Variants in GALNTL6 observed in about 807,000 individuals in gnomAD.
GALNTL6 encodes polypeptide N-acetylgalactosaminyltransferase like 6, also known as polypeptide N-acetylgalactosaminyltransferase-like 6.
A neutral mutation model predicts 73.7 loss-of-function variants in GALNTL6; 46 were observed. That is an observed-to-expected ratio of 0.62 (90% CI 0.49 to 0.80). The LOEUF is 0.80. Among genes scored for constraint, GALNTL6 ranks in the 30% least tolerant of loss-of-function variants. The pLI is 0.00. For missense variants in GALNTL6, 604 were observed against 755.0 expected, an observed-to-expected ratio of 0.80 and a Z score of 2.34; for synonymous variants, 259 against 263.7, an observed-to-expected ratio of 0.98 and a Z score of 0.17.
intron 2 of GALNTL6, among the ~76,000 whole-genome samples, chr4:172,005,009 A>G (rs1355512249): frequency 6.6e-6 from 1 of 152,162 alleles, no homozygotes; most frequent in East Asian, 1.9e-4. Context: ...TTTTCATAAA[A>G]TACTGTGCCT....
In GALNTL6 at chr4:172,559,539, C is replaced by T. The variant is rs578220254; in HGVS notation, c.553+210850C>T. Among the ~76,000 whole-genome samples, 82 of 152,116 alleles carry T rather than the reference C, an allele frequency of 5.4e-4. 2 individuals are homozygous for T. The South Asian group carries it at 0.016, about 30-fold the overall frequency. On this transcript the variant is annotated intron_variant, in intron 5 of 12. Transcript: ENST00000506823. The stretch of plus-strand genomic sequence containing the variant: ...ACTCTTCTCTGAATACATCATAATC[C>T]GGATTAAAATTTCTACCATCTGTAA...
intron 4 of GALNTL6, among the ~76,000 whole-genome samples, chr4:172,344,877 A>T (rs1168159225): frequency 6.6e-6 from 1 of 152,150 alleles, no homozygotes; most frequent in African/African-American, 2.4e-5. Context: ...TTTGTATCCT[A>T]AATGTCTCTC....
intron 5 of GALNTL6, among the ~76,000 whole-genome samples, chr4:172,698,982 A>G (rs1381564574): frequency 1.3e-5 from 2 of 152,132 alleles, no homozygotes; most frequent in Non-Finnish European, 1.5e-5. Context: ...ACAAAAATTT[A>G]TTTCTCATAG....
intron 2 of GALNTL6, among the ~76,000 whole-genome samples, chr4:171,859,997 G>A (rs1401922127): frequency 6.6e-6 from 1 of 152,150 alleles, no homozygotes; most frequent in Non-Finnish European, 1.5e-5. Flanking sequence ...CCAAGGAGCT[G>A]GCCAAAATTC....
rs77091179 is a variant in GALNTL6 at position 172,711,778 on chromosome 4, C to A, written c.554-97583C>A. On this transcript the variant is annotated intron_variant, in intron 5 of 12. Coordinates refer to ENST00000506823, the MANE Select transcript of GALNTL6 (RefSeq NM_001034845.3). ...GCGCAGTCTGAGCTAGAGACAGGCA[C>A]AAAGTCAACATACATATGGTCTTAA... 8.7e-3 allele frequency among the ~76,000 whole-genome samples: 1,318 copies of A among 152,188 alleles called. 22 individuals carry two copies. The highest frequency in any genetic ancestry group is 0.03 in the African/African-American group (1,257 of 41,532).
intron 3 of GALNTL6, among the ~76,000 whole-genome samples, chr4:172,265,726 T>C (rs923763485): frequency 6.6e-6 from 1 of 152,098 alleles, no homozygotes; most frequent in African/African-American, 2.4e-5. Context: ...CATAATAGCA[T>C]ACAAAAGCAG....
chr4:172,657,567 A>T (rs558035357), intron 5 of GALNTL6, among the ~76,000 whole-genome samples: 12 of 152,334 alleles, frequency 7.9e-5, no homozygotes, highest in African/African-American at 2.4e-4. Flanking sequence ...AGAATTTTTT[A>T]AAAGTTTCTT....
chr4:171,980,682 G>A (rs555617917), intron 2 of GALNTL6, among the ~76,000 whole-genome samples: 41 of 152,208 alleles, frequency 2.7e-4, no homozygotes, highest in Non-Finnish European at 5.3e-4. Flanking sequence ...CTTGTTCGTC[G>A]AAGTACCAAG....
At chr4:172,242,139 C>G (rs139733424) in intron 3 of GALNTL6, among the ~76,000 whole-genome samples, 264 of 152,100 alleles carry the variant, frequency 1.7e-3, no homozygotes, top group Non-Finnish European at 2.9e-3. Flanking sequence ...TAAAAGTAAA[C>G]TCTGCCTATG....
intron 5 of GALNTL6, among the ~76,000 whole-genome samples, chr4:172,740,576 G>T (rs1416202324): frequency 1.3e-5 from 2 of 152,126 alleles, no homozygotes; most frequent in Non-Finnish European, 2.9e-5. Flanking sequence ...TGCTTTCCTA[G>T]CTGTGGTCAG....
chr4:172,051,426 A>C (rs1730859565), intron 2 of GALNTL6, among the ~76,000 whole-genome samples: 1 of 152,048 alleles, frequency 6.6e-6, no homozygotes, highest in Non-Finnish European at 1.5e-5. Flanking sequence ...TTGAAGGATA[A>C]ATGCAGGGAT....
chr4:172,378,697 C>A (rs534286962), intron 5 of GALNTL6, among the ~76,000 whole-genome samples: 1 of 151,940 alleles, frequency 6.6e-6, no homozygotes, highest in South Asian at 2.1e-4. Flanking sequence ...TGAGTAATAT[C>A]ATAAATTATT....
At chr4:171,941,139 G>A (rs190271870) in intron 2 of GALNTL6, among the ~76,000 whole-genome samples, 2 of 152,090 alleles carry the variant, frequency 1.3e-5, no homozygotes, top group African/African-American at 2.4e-5. Flanking sequence ...CTAGAGAGTC[G>A]TATGAATTTG....
chr4:172,284,923 T>C (rs1452845738), intron 3 of GALNTL6, among the ~76,000 whole-genome samples: 2 of 152,192 alleles, frequency 1.3e-5, no homozygotes, highest in Non-Finnish European at 1.5e-5. Context: ...CTTTGGTTAT[T>C]TGGTCTCTTT....
intron 10 of GALNTL6, among the ~76,000 whole-genome samples, chr4:173,000,886 T>G (rs1321410364): frequency 6.6e-6 from 1 of 152,166 alleles, no homozygotes; most frequent in Non-Finnish European, 1.5e-5. Context: ...TCCCCAAAAT[T>G]TATATGTTGA....
At chr4:171,905,793 C>T (rs955446853) in intron 2 of GALNTL6, among the ~76,000 whole-genome samples, 19 of 151,932 alleles carry the variant, frequency 1.3e-4, no homozygotes, top group Non-Finnish European at 1.9e-4. Context: ...AACACACTAT[C>T]TCTCAGACCA....
chr4:172,378,519 A>AAT (rs1214914121), intron 5 of GALNTL6, among the ~76,000 whole-genome samples: 3 of 152,202 alleles, frequency 2.0e-5, no homozygotes, highest in African/African-American at 7.2e-5. Flanking sequence ...TGATTATTGA[A>AAT]ATACCAGTGA....
At chr4:172,653,220 CTT>C (rs1377130842) in intron 5 of GALNTL6, among the ~76,000 whole-genome samples, 2 of 26,316 alleles carry the variant, frequency 7.6e-5, no homozygotes, top group African/African-American at 1.3e-4. Context: ...TATTTCTCTT[CTT>C]CCTTTTTTTT....
intron 5 of GALNTL6, among the ~76,000 whole-genome samples, chr4:172,503,526 G>GTAGATATATATATATATATATATA (rs1734335977): frequency 1.2e-5 from 1 of 85,934 alleles, no homozygotes; most frequent in African/African-American, 4.2e-5. Flanking sequence ...ACATAGAGTA[G>GTAGATATATATATATATATATATA]TATATATATA....
Sources: gnomAD v4.1 joint callset for allele counts (sites outside exome capture counted in the v4.1 genomes callset) on GRCh38, gnomAD v4.1.1 for gene constraint, MANE v1.5 for transcripts, NCBI Gene and HGNC (gene_info 2026-07-23, HGNC 2026-07-21) for gene names.